NEB: variants seen among roughly 807,000 people sequenced by gnomAD.
NEB encodes the protein nebulin, also known as nemaline myopathy type 2.
Under a neutral mutation model 952.2 loss-of-function variants are expected in NEB, and 512 were observed. That is an observed-to-expected ratio of 0.54 (90% CI 0.50 to 0.58). The LOEUF (loss-of-function observed/expected upper bound fraction) is 0.58, where lower values mean the gene tolerates loss of function less well. Among genes scored for constraint, NEB ranks in the 20% least tolerant of loss-of-function variants. The pLI is 0.00. For synonymous variants in NEB, 2,900 were observed against 3,149.8 expected, an observed-to-expected ratio of 0.92 and a Z score of 2.66; for missense variants, 8,428 against 9,231.1, an observed-to-expected ratio of 0.91 and a Z score of 3.56.
At chr2:151,700,654 G>A (rs2149514007) in intron 13 of NEB, among the ~76,000 whole-genome samples, 1 of 77,250 alleles carries the variant, frequency 1.3e-5, no homozygotes. Context: ...CTCATGATTT[G>A]GCTCTCTGTT....
intron 13 of NEB, among the ~76,000 whole-genome samples, chr2:151,705,931 G>A (rs1034287810): frequency 5.3e-5 from 8 of 152,136 alleles, no homozygotes; most frequent in African/African-American, 1.4e-4. Flanking sequence ...GGAATGTTGG[G>A]GTGGGAGTGA....
At chr2:151,654,293 C>T (rs1192884582) in intron 51 of NEB, among the ~76,000 whole-genome samples, 194 bp from the exon 52 acceptor site, 1 of 152,094 alleles carries the variant, frequency 6.6e-6, no homozygotes, top group Non-Finnish European at 1.5e-5. Context: ...TATGACCTGG[C>T]TTTAATCTTT....
chr2:151,609,861 G>A lies in NEB; in HGVS notation c.12278C>T (p.Pro4093Leu), dbSNP rs749270501. ...TGCTTGGATAATGTCGTTTTGATCC[G>A]GCATGCATGTCCATTCATGCAGGTA... ...RNYLHEWTCM[P>L]DQNDIIQAKK... Residue 4093 changes from proline to leucine, a missense_variant, in exon 81 of 182, where the codon CCG becomes CTG. Transcript: ENST00000397345. 35 of 1,609,818 alleles carry A rather than the reference G, an allele frequency of 2.2e-5. No individual in the cohort carries two copies. The highest frequency in any genetic ancestry group is 6.7e-5 in the East Asian group (3 of 44,810).
At chr2:151,665,209 C>CG (rs1470907106) in intron 42 of NEB, 124 bp downstream of exon 42, 15 of 883,238 alleles carry the variant, frequency 1.7e-5, no homozygotes, top group Non-Finnish European at 2.6e-5. Flanking sequence ...TAGAGTCCCC[C>CG]TCCCACCACC....
At chr2:151,548,203 G>C (rs768707900) in intron 131 of NEB, 105 bp downstream of exon 131, 13 of 928,972 alleles carry the variant, frequency 1.4e-5, no homozygotes, top group Non-Finnish European at 2.2e-5. Context: ...TTTTTTGCTG[G>C]TATGTAAGTT....
At chr2:151,533,937 C>T (rs1171921086) in intron 142 of NEB, among the ~76,000 whole-genome samples, 2 of 152,180 alleles carry the variant, frequency 1.3e-5, no homozygotes, top group Non-Finnish European at 1.5e-5. Flanking sequence ...CTGCAGTTTA[C>T]AGTTGCAGTT....
intron 35 of NEB, 26 bp from the exon 36 acceptor site, chr2:151,674,610 C>T: frequency 7.3e-6 from 11 of 1,510,580 alleles, no homozygotes; most frequent in Non-Finnish European, 1.0e-5. Context: ...AACAGAATGT[C>T]AGCATCTGTA....
At chr2:151,694,745 A>G in intron 18 of NEB, 116 bp from the exon 19 acceptor site, 1 of 771,916 alleles carries the variant, frequency 1.3e-6, no homozygotes, top group Non-Finnish European at 2.1e-6. Flanking sequence ...GGCCCTTTTT[A>G]TTGTCTAGGA....
chr2:151,728,029 A>G (rs866436890), intron 4 of NEB, 123 bp from the exon 5 acceptor site: 27 of 723,862 alleles, frequency 3.7e-5, no homozygotes, highest in Admixed American at 2.1e-4. Flanking sequence ...CTCCATATCT[A>G]AAGTAAGCCA....
intron 38 of NEB, among the ~76,000 whole-genome samples, chr2:151,669,354 T>C (rs2099258299): frequency 6.6e-6 from 1 of 152,178 alleles, no homozygotes; most frequent in Admixed American, 6.5e-5. Flanking sequence ...GTAAGTTCTG[T>C]GTTTAAAGAG....
intron 54 of NEB, among the ~76,000 whole-genome samples, chr2:151,648,016 CATATAGATATATAG>C (rs1007516688): frequency 6.6e-6 from 1 of 151,734 alleles, no homozygotes; most frequent in Non-Finnish European, 1.5e-5. Context: ...TTTAATTTCT[CATATAGATATATAG>C]ATATAGATCT....
chr2:151,704,830 C>T (rs533636180), intron 13 of NEB, among the ~76,000 whole-genome samples: 11 of 152,322 alleles, frequency 7.2e-5, no homozygotes, highest in Middle Eastern at 3.4e-3. Context: ...CTGCGTCGCT[C>T]GCTCACGCTG....
At chr2:151,617,495 G>A (rs1260972793) in intron 74 of NEB, 27 bp from the exon 75 acceptor site, 27 of 1,300,624 alleles carry the variant, frequency 2.1e-5, no homozygotes, top group South Asian at 4.2e-5. Context: ...AAAAGAGAGA[G>A]AGAGAGAGAA....
chr2:151,636,746 A>C (rs1424298582), intron 63 of NEB, among the ~76,000 whole-genome samples: 1 of 151,992 alleles, frequency 6.6e-6, no homozygotes. Context: ...GTGCCAATGC[A>C]CTCCAGCCTG....
At chr2:151,555,704 T>C (rs999725610) in intron 124 of NEB, among the ~76,000 whole-genome samples, 1 of 152,102 alleles carries the variant, frequency 6.6e-6, no homozygotes, top group South Asian at 2.1e-4. Flanking sequence ...TGCACCTCTG[T>C]AACAAAAGAG....
At chr2:151,489,333 T>C (rs1026035957) in intron 181 of NEB, among the ~76,000 whole-genome samples, 8 of 152,198 alleles carry the variant, frequency 5.3e-5, no homozygotes, top group Non-Finnish European at 1.2e-4. Flanking sequence ...GCTTACCATT[T>C]CTATATATAT....
At chr2:151,501,618 T>C in intron 167 of NEB, 135 bp from the exon 168 acceptor site, 1 of 477,068 alleles carries the variant, frequency 2.1e-6, no homozygotes, top group Non-Finnish European at 3.8e-6. Flanking sequence ...CTTTTAAAAA[T>C]AGAGTTAACT....
intron 10 of NEB, among the ~76,000 whole-genome samples, chr2:151,711,372 C>T (rs1473535825): frequency 6.6e-6 from 1 of 152,142 alleles, no homozygotes; most frequent in Non-Finnish European, 1.5e-5. Flanking sequence ...TGTTAACAGA[C>T]ATAACTAATG....
At chr2:151,547,231 G>A (rs2094829579) in intron 133 of NEB, among the ~76,000 whole-genome samples, 198 bp downstream of exon 133, 1 of 152,082 alleles carries the variant, frequency 6.6e-6, no homozygotes, top group Non-Finnish European at 1.5e-5. Context: ...TCTTCCCCAG[G>A]TGGTCCTCTT....
Sources: allele counts gnomAD v4.1 joint callset (sites outside exome capture counted in the v4.1 genomes callset), GRCh38; gene constraint gnomAD v4.1.1; transcripts MANE v1.5; gene names NCBI Gene and HGNC (gene_info 2026-07-23, HGNC 2026-07-21).